Variants in HMBOX1 observed in about 807,000 individuals in gnomAD.
HMBOX1 encodes homeobox-containing protein 1.
In HMBOX1, 14 loss-of-function variants were observed where a neutral mutation model predicts 54.5. That is an observed-to-expected ratio of 0.26 (90% CI 0.17 to 0.40). HMBOX1 has a LOEUF of 0.40. Ranked by LOEUF, HMBOX1 falls within the 10% of genes least tolerant of loss-of-function variation. HMBOX1 has a pLI of 1.00. For missense variants in HMBOX1, 332 were observed against 514.4 expected (o/e 0.65, Z 3.43); for synonymous variants, 160 against 181.0 (o/e 0.88, Z 0.93).
chr8:28,902,989 C>T (rs985816745), intron 1 of HMBOX1, among the ~76,000 whole-genome samples: 2 of 152,152 alleles, frequency 1.3e-5, no homozygotes, highest in African/African-American at 4.8e-5. Flanking sequence ...ACTTATATTT[C>T]TTTCTTTAAC....
rs183107414 is a variant in HMBOX1, at chr8:29,043,795, T to A, written c.852-1566T>A. The stretch of plus-strand genomic sequence containing the variant: ...GCATCTCAGCCTAAGTAAATAGGCA[T>A]AGGGCAGAGACAAAAGCCATTAGAA... On this transcript the variant is annotated intron_variant, in intron 6 of 9. Coordinates refer to ENST00000287701, the MANE Select transcript of HMBOX1 (RefSeq NM_001135726.3). Among the ~76,000 whole-genome samples, 667 of 152,246 alleles carry A rather than the reference T, an allele frequency of 4.4e-3. 5 individuals are homozygous for A. The highest frequency in any genetic ancestry group is 5.7e-3 in the Non-Finnish European group (389 of 68,030).
chr8:29,047,566 T>TC, intron 8 of HMBOX1, 113 bp downstream of exon 8: 1 of 163,798 alleles, frequency 6.1e-6, no homozygotes, highest in South Asian at 1.2e-4. Context: ...TAACTTCTCT[T>TC]TTTTTTTTTT....
intron 3 of HMBOX1, among the ~76,000 whole-genome samples, chr8:28,974,320 AC>A (rs928631795): frequency 2.0e-5 from 3 of 152,190 alleles, no homozygotes; most frequent in African/African-American, 7.2e-5. Context: ...GACCTGTTTT[AC>A]GTTTTAATGT....
At chr8:28,955,068 A>G (rs1233415426) in intron 1 of HMBOX1, among the ~76,000 whole-genome samples, 4 of 152,124 alleles carry the variant, frequency 2.6e-5, no homozygotes, top group Non-Finnish European at 5.9e-5. Flanking sequence ...ACTTCATGTA[A>G]TATTTTGACA....
intron 6 of HMBOX1, among the ~76,000 whole-genome samples, chr8:29,035,860 T>G (rs774002079): frequency 1.3e-5 from 2 of 152,226 alleles, no homozygotes; most frequent in Non-Finnish European, 2.9e-5. Context: ...ATTTGTCAGT[T>G]TTACTGTTTT....
chr8:28,965,986 TAATAAA>T (rs1208444627), intron 2 of HMBOX1, among the ~76,000 whole-genome samples: 1 of 152,108 alleles, frequency 6.6e-6, no homozygotes, highest in East Asian at 1.9e-4. Flanking sequence ...TCATTCTAGA[TAATAAA>T]AATAAAGACA....
chr8:28,973,820 T>TTTTG (rs1563501959), intron 3 of HMBOX1, among the ~76,000 whole-genome samples: 1 of 132,932 alleles, frequency 7.5e-6, no homozygotes, highest in African/African-American at 3.0e-5. Flanking sequence ...TTTTTTTTTT[T>TTTTG]TTTTTTTTTT....
intron 5 of HMBOX1, among the ~76,000 whole-genome samples, chr8:29,010,565 T>A (rs949488334): frequency 1.3e-4 from 19 of 151,488 alleles, no homozygotes; most frequent in East Asian, 1.9e-4. Flanking sequence ...AAAAAAAAAA[T>A]ATATATATTA....
At chr8:28,903,959 G>A (rs1455722826) in intron 1 of HMBOX1, among the ~76,000 whole-genome samples, 1 of 152,104 alleles carries the variant, frequency 6.6e-6, no homozygotes, top group African/African-American at 2.4e-5. Context: ...GCAAAGCCAG[G>A]GATGCTGCCA....
intron 2 of HMBOX1, among the ~76,000 whole-genome samples, chr8:28,967,084 A>G (rs1016536758): frequency 6.6e-6 from 1 of 152,150 alleles, no homozygotes; most frequent in Admixed American, 6.5e-5. Context: ...ATAATGAGGA[A>G]TTTACCAGAC....
chr8:28,974,565 C>G (rs1376669147), intron 3 of HMBOX1, among the ~76,000 whole-genome samples: 1 of 152,078 alleles, frequency 6.6e-6, no homozygotes, highest in Non-Finnish European at 1.5e-5. Flanking sequence ...AGGCTTTATT[C>G]TAAGTTGATT....
At chr8:28,973,126 C>G (rs1459202275) in intron 3 of HMBOX1, among the ~76,000 whole-genome samples, 1 of 152,116 alleles carries the variant, frequency 6.6e-6, no homozygotes, top group African/African-American at 2.4e-5. Context: ...CCCCCTCTCA[C>G]GATTCTCAGG....
At chr8:29,037,773 C>A (rs937640813) in intron 6 of HMBOX1, among the ~76,000 whole-genome samples, 10 of 152,114 alleles carry the variant, frequency 6.6e-5, no homozygotes, top group Non-Finnish European at 1.3e-4. Flanking sequence ...TCATTTACCA[C>A]ATAGATACTC....
Position 28,980,165 on chromosome 8 carries a change from T to C in HMBOX1, c.586+9T>C, listed in dbSNP as rs762149391. ...TGTTGCACAGGTAACAGGTAAGAGC[T>C]GAAGAGCCCTTTATTCTGGAATCAT... is the stretch of plus-strand genomic sequence containing the variant. On this transcript the variant is annotated intron_variant, in intron 4 of 9. Transcript: ENST00000287701. The C allele has an allele frequency of 1.3e-6, 2 of 1,593,358 alleles. No homozygotes were observed.
At chr8:29,035,321 T>C (rs1352321512) in intron 6 of HMBOX1, among the ~76,000 whole-genome samples, 1 of 152,184 alleles carries the variant, frequency 6.6e-6, no homozygotes, top group Non-Finnish European at 1.5e-5. Context: ...TGGTCAGTCG[T>C]GTCAGGTTTG....
chr8:28,926,304 T>TATATATATACACACAC (rs796953426), intron 1 of HMBOX1, among the ~76,000 whole-genome samples: 2 of 142,136 alleles, frequency 1.4e-5, no homozygotes, highest in African/African-American at 5.3e-5. Context: ...TATATATATA[T>TATATATATACACACAC]ACACACACAC....
intron 4 of HMBOX1, among the ~76,000 whole-genome samples, chr8:28,991,546 T>C (rs150834811): frequency 1.1e-3 from 163 of 152,342 alleles, no homozygotes; most frequent in African/African-American, 3.8e-3. Flanking sequence ...GAGGCCAATA[T>C]GATATTGCCC....
intron 4 of HMBOX1, among the ~76,000 whole-genome samples, chr8:29,008,413 GA>G (rs1201262100): frequency 1.3e-5 from 2 of 152,134 alleles, no homozygotes; most frequent in Non-Finnish European, 2.9e-5. Context: ...CAGTTTTGTG[GA>G]AAGCTTGTGT....
At chr8:28,946,011 G>C (rs985381295) in intron 1 of HMBOX1, among the ~76,000 whole-genome samples, 3 of 148,162 alleles carry the variant, frequency 2.0e-5, no homozygotes, top group Non-Finnish European at 3.0e-5. Context: ...GGAGTGCAAT[G>C]GCACGATCTT....
Sources: gnomAD v4.1 joint callset for allele counts (sites outside exome capture counted in the v4.1 genomes callset) on GRCh38, gnomAD v4.1.1 for gene constraint, MANE v1.5 for transcripts, NCBI Gene and HGNC (gene_info 2026-07-23, HGNC 2026-07-21) for gene names.